DPP10: variants seen among roughly 807,000 people sequenced by gnomAD.
DPP10 encodes dipeptidyl peptidase like 10.
A neutral mutation model predicts 120.9 loss-of-function variants in DPP10; 33 were observed. The ratio of observed to expected loss-of-function variants is 0.27; its 90% CI spans 0.21 to 0.37. The LOEUF (loss-of-function observed/expected upper bound fraction) is 0.37, where lower values mean the gene tolerates loss of function less well. Among genes scored for constraint, DPP10 ranks in the 10% least tolerant of loss-of-function variants. The pLI, the probability that DPP10 is intolerant of heterozygous loss-of-function variation, is 1.00. For synonymous variants in DPP10, 337 were observed against 326.1 expected, an observed-to-expected ratio of 1.03 and a Z score of -0.36; for missense variants, 816 against 942.8, an observed-to-expected ratio of 0.87 and a Z score of 1.76.
At chr2:114,770,496 G>T (rs966788194) in intron 1 of DPP10, among the ~76,000 whole-genome samples, 3 of 152,082 alleles carry the variant, frequency 2.0e-5, no homozygotes, top group Non-Finnish European at 2.9e-5. Flanking sequence ...AGAGTGAATG[G>T]ATCCCAACTT....
At chr2:114,563,072 T>A (rs549692436) in intron 1 of DPP10, among the ~76,000 whole-genome samples, 2 of 152,322 alleles carry the variant, frequency 1.3e-5, no homozygotes, top group East Asian at 3.9e-4. Context: ...AACGTTTGCA[T>A]ATTAAGAACA....
chr2:115,449,926 T>C (rs1438713789), intron 3 of DPP10, among the ~76,000 whole-genome samples: 1 of 152,074 alleles, frequency 6.6e-6, no homozygotes, highest in African/African-American at 2.4e-5. Context: ...GTCCTTTTAT[T>C]ATTCGGAGAC....
chr2:114,596,155 C>CG (rs1553467730), intron 1 of DPP10, among the ~76,000 whole-genome samples: 19 of 151,954 alleles, frequency 1.3e-4, no homozygotes, highest in Non-Finnish European at 2.4e-4. Context: ...AAATATGCAA[C>CG]TTTTTTAGCT....
chr2:115,094,373 G>T (rs1709541691), intron 1 of DPP10, among the ~76,000 whole-genome samples: 1 of 152,026 alleles, frequency 6.6e-6, no homozygotes, highest in Non-Finnish European at 1.5e-5. Flanking sequence ...CTGGACTGAG[G>T]TATATATTTT....
chr2:115,356,104 T>C (rs2064367036), intron 3 of DPP10, among the ~76,000 whole-genome samples: 1 of 151,960 alleles, frequency 6.6e-6, no homozygotes, highest in Non-Finnish European at 1.5e-5. Flanking sequence ...AAGTCAATGG[T>C]AGTTTGATGG....
intron 1 of DPP10, among the ~76,000 whole-genome samples, chr2:114,648,789 A>T (rs1029168909): frequency 3.3e-5 from 5 of 152,166 alleles, no homozygotes; most frequent in Non-Finnish European, 7.3e-5. Flanking sequence ...TGATATGAAG[A>T]ACTGGTAATT....
chr2:115,000,327 A>T (rs1469411384), intron 1 of DPP10, among the ~76,000 whole-genome samples: 2 of 152,188 alleles, frequency 1.3e-5, no homozygotes, highest in African/African-American at 2.4e-5. Flanking sequence ...ACGCATAAAA[A>T]ATTGGGGGGA....
intron 19 of DPP10, among the ~76,000 whole-genome samples, chr2:115,810,694 C>A (rs148666906): frequency 1.3e-5 from 2 of 152,282 alleles, no homozygotes; most frequent in Admixed American, 6.5e-5. Flanking sequence ...ATGACCTTTT[C>A]ACTGCTTAAA....
intron 5 of DPP10, among the ~76,000 whole-genome samples, chr2:115,569,713 C>T (rs935281230): frequency 2.0e-5 from 3 of 152,174 alleles, no homozygotes; most frequent in African/African-American, 7.2e-5. Flanking sequence ...TACAAGTATG[C>T]ATTCACAGCC....
At chr2:114,968,734 C>G (rs994091896) in intron 1 of DPP10, among the ~76,000 whole-genome samples, 1 of 152,054 alleles carries the variant, frequency 6.6e-6, no homozygotes, top group Non-Finnish European at 1.5e-5. Context: ...TAAAGCCAAA[C>G]GTTTACTAAT....
At chr2:115,159,923 A>T (rs1362545560) in intron 1 of DPP10, among the ~76,000 whole-genome samples, 2 of 152,206 alleles carry the variant, frequency 1.3e-5, no homozygotes, top group Non-Finnish European at 2.9e-5. Context: ...ATATCTCTGT[A>T]ATAAAGTAAA....
rs536447605 is a variant in DPP10, at chr2:115,680,327, A to G, written c.442-9360A>G. ...GTGTATATGTAACCAAAATATGAAA[A>G]TGTATTAGTATTCTTTACAATTAAA... On this transcript the variant is annotated intron_variant, in intron 5 of 25. Transcript: ENST00000410059. 1.1e-4 allele frequency among the ~76,000 whole-genome samples: 16 copies of G among 152,134 alleles called. No individual in the cohort carries two copies. In the South Asian group the frequency reaches 3.3e-3, roughly 32 times the overall value.
intron 1 of DPP10, among the ~76,000 whole-genome samples, chr2:114,889,477 CA>C (rs35303806): frequency 9.6e-6 from 1 of 104,134 alleles, no homozygotes; most frequent in Non-Finnish European, 2.4e-5. Context: ...ATGAACCTAG[CA>C]AAATTATCAC....
At chr2:114,574,072 T>C (rs1411175593) in intron 1 of DPP10, among the ~76,000 whole-genome samples, 1 of 152,100 alleles carries the variant, frequency 6.6e-6, no homozygotes, top group African/African-American at 2.4e-5. Flanking sequence ...ATCAGAAATA[T>C]CCTGTTTTAT....
intron 5 of DPP10, among the ~76,000 whole-genome samples, chr2:115,662,044 C>A (rs2089025027): frequency 6.6e-6 from 1 of 152,132 alleles, no homozygotes; most frequent in African/African-American, 2.4e-5. Flanking sequence ...AGCTCCTTGG[C>A]AACCACCATT....
chr2:115,216,390 T>C (rs1226489120), intron 1 of DPP10, among the ~76,000 whole-genome samples: 2 of 152,176 alleles, frequency 1.3e-5, no homozygotes, highest in African/African-American at 2.4e-5. Flanking sequence ...CCAAGGTCTC[T>C]GGAGAGATAA....
chr2:115,813,460 T>C lies in DPP10; in HGVS notation c.1701-1333T>C, dbSNP rs528895045. ...TCTTCTTTAATGGGCACCAGTCAGA[T>C]TGAATTAGGGCCCACCTTTGTGGTT... On this transcript the variant is annotated intron_variant, in intron 19 of 25. Transcript: ENST00000410059. Among the ~76,000 whole-genome samples, 35 of 152,318 alleles carry C rather than the reference T, an allele frequency of 2.3e-4. No homozygotes were observed. The South Asian group carries it at 6.8e-3, about 30-fold the overall frequency.
chr2:115,456,513 A>G (rs2073557760), intron 3 of DPP10, among the ~76,000 whole-genome samples: 2 of 152,186 alleles, frequency 1.3e-5, no homozygotes, highest in South Asian at 4.1e-4. Context: ...ATGCACACAT[A>G]TGTTTATTGT....
At chr2:114,636,356 G>A (rs1381629061) in intron 1 of DPP10, among the ~76,000 whole-genome samples, 2 of 151,858 alleles carry the variant, frequency 1.3e-5, no homozygotes, top group Non-Finnish European at 2.9e-5. Context: ...TATAACATTG[G>A]CATTTTCTCC....
Sources: gnomAD v4.1 joint callset for allele counts (sites outside exome capture counted in the v4.1 genomes callset) on GRCh38, gnomAD v4.1.1 for gene constraint, MANE v1.5 for transcripts, NCBI Gene and HGNC (gene_info 2026-07-23, HGNC 2026-07-21) for gene names.